Variants in FOXK1 observed in about 807,000 individuals in gnomAD.
FOXK1 encodes the protein forkhead box K1, also known as forkhead box protein K1.
FOXK1 carries 19 observed loss-of-function variants against 51.9 expected under a neutral mutation model. The observed-to-expected ratio is 0.37, with a 90% CI of 0.26 to 0.54. The LOEUF is 0.54. Among genes scored for constraint, FOXK1 ranks in the 20% least tolerant of loss-of-function variants. The probability of loss-of-function intolerance (pLI) is 0.87; values close to 1 mark genes in which losing one functional copy is unlikely to be tolerated. For synonymous variants in FOXK1, 537 were observed against 482.6 expected, an observed-to-expected ratio of 1.11 and a Z score of -1.48; for missense variants, 870 against 1,032.7, an observed-to-expected ratio of 0.84 and a Z score of 2.16.
intron 1 of FOXK1, among the ~76,000 whole-genome samples, chr7:4,704,099 G>A (rs1330090671): frequency 1.3e-5 from 2 of 152,136 alleles, no homozygotes; most frequent in Non-Finnish European, 2.9e-5. Context: ...GGTCTACCAA[G>A]GGTACACTAT....
At chr7:4,688,669 C>A (rs374694035) in intron 1 of FOXK1, among the ~76,000 whole-genome samples, 1 of 152,106 alleles carries the variant, frequency 6.6e-6, no homozygotes, top group East Asian at 1.9e-4. Context: ...TTGCAGCCCC[C>A]ACGCCCGGCA....
chr7:4,709,320 G>A lies in FOXK1; in HGVS notation c.560+26452G>A, dbSNP rs953237986. On this transcript the variant is annotated intron_variant, in intron 1 of 8. Transcript: ENST00000328914. This position sits in a 1 kb window ranked among gnomAD's most constrained non-coding sequence, Gnocchi z 5.6. ...TGTTAGGCCAGGTCAGCGTGAGGCCGCCTACTGTGCCTCCTTCCCAGTGTC... is the reference window on the plus strand; with the variant it reads ...TGTTAGGCCAGGTCAGCGTGAGGCCACCTACTGTGCCTCCTTCCCAGTGTC... Among the ~76,000 whole-genome samples, 5 of 152,172 alleles carry A rather than the reference G, an allele frequency of 3.3e-5. No individual in the cohort carries two copies. The highest frequency in any genetic ancestry group is 1.2e-4 in the African/African-American group (5 of 41,438).
chr7:4,697,689 T>C (rs1047423485), intron 1 of FOXK1, among the ~76,000 whole-genome samples: 1 of 151,710 alleles, frequency 6.6e-6, no homozygotes, highest in Non-Finnish European at 1.5e-5. Flanking sequence ...GAATAGGATC[T>C]TTTTTTCTTA....
At position 4,747,118 on chromosome 7, in the gene FOXK1, A is replaced by C. The variant is rs1780712807; in HGVS notation, c.746+6095A>C. 6.6e-6 allele frequency among the ~76,000 whole-genome samples: 1 copy of C among 152,140 alleles called. No individual in the cohort carries two copies. The highest frequency in any genetic ancestry group is 1.5e-5 in the Non-Finnish European group (1 of 68,030). On this transcript the variant is annotated intron_variant, in intron 2 of 8. Transcript: ENST00000328914. This position sits in a 1 kb window ranked among gnomAD's most constrained non-coding sequence, Gnocchi z 9.2. Reference sequence around the variant, plus strand: ...CCTTGTGTTTGTCCGAATCTGTTGAAAGGACATCCCCACGCCCGCGTTTCC... The same window carrying C: ...CCTTGTGTTTGTCCGAATCTGTTGACAGGACATCCCCACGCCCGCGTTTCC...
At position 4,730,444 on chromosome 7, in the gene FOXK1, T is replaced by C. The variant is rs985711515; in HGVS notation, c.561-10394T>C. 1.3e-5 allele frequency among the ~76,000 whole-genome samples: 2 copies of C among 152,166 alleles called. No homozygotes were observed. Among genetic ancestry groups the C allele is most frequent in the African/African-American group, 4.8e-5 (2 of 41,442 alleles). ...CCAAAAGTGGAGTCACGGTTGCAGCTCTGGTTCCTGGAGGAGGGACGCAGG... is the reference window on the plus strand; with the variant it reads ...CCAAAAGTGGAGTCACGGTTGCAGCCCTGGTTCCTGGAGGAGGGACGCAGG... On this transcript the variant is annotated intron_variant, in intron 1 of 8. Coordinates refer to ENST00000328914, the MANE Select transcript of FOXK1 (RefSeq NM_001037165.2). This position sits in a 1 kb window ranked among gnomAD's most constrained non-coding sequence, Gnocchi z 4.7.
chr7:4,720,424 C>T (rs921964495), intron 1 of FOXK1, among the ~76,000 whole-genome samples: 1 of 152,166 alleles, frequency 6.6e-6, no homozygotes, highest in African/African-American at 2.4e-5. Context: ...GTTGGGTAAT[C>T]TTTACTGTTT....
intron 1 of FOXK1, among the ~76,000 whole-genome samples, chr7:4,718,720 G>T (rs995761074): frequency 6.6e-6 from 1 of 152,200 alleles, no homozygotes; most frequent in African/African-American, 2.4e-5. Context: ...TTCCACCCAT[G>T]TATGAGAAGC....
rs1779766570 is a variant in FOXK1, at chr7:4,682,654, T to C, written c.346T>C (p.Phe116Leu). The C allele has an allele frequency of 3.8e-6, 6 of 1,569,242 alleles. No homozygotes were observed. Among genetic ancestry groups the C allele is most frequent in the Non-Finnish European group, 5.1e-6 (6 of 1,165,302 alleles). ...LARLEGREFE[F>L]LMRQPSVTIG... The stretch of plus-strand genomic sequence containing the variant: ...GCGGCTGGAGGGCCGCGAGTTCGAG[T>C]TCCTCATGCGCCAGCCCAGCGTCAC... The change falls in exon 1 of 9, where the codon TTC (phenylalanine) becomes CTC (leucine). Residue 116 changes from phenylalanine (F) to leucine (L), a missense_variant. Phe to Leu is a conservative substitution (Grantham distance 22). Coordinates refer to ENST00000328914, the MANE Select transcript of FOXK1 (RefSeq NM_001037165.2). This position sits in a 1 kb window ranked among gnomAD's most constrained non-coding sequence, Gnocchi z 7.6.
At chr7:4,697,741 CTGTGTGTGTGTGTGTGTGTGTGTGTGTG>C (rs57978112) in intron 1 of FOXK1, among the ~76,000 whole-genome samples, 1 of 135,596 alleles carries the variant, frequency 7.4e-6, no homozygotes, top group African/African-American at 2.8e-5. Flanking sequence ...GAAAGATAGG[CTGTGTGTGTGTGTGTGTGTGTGTGTGTG>C]TGTGTGTGTG....
At chr7:4,705,978 ATATACGTATATATACGTATATATACG>A (rs1780089190) in intron 1 of FOXK1, among the ~76,000 whole-genome samples, 1 of 97,154 alleles carries the variant, frequency 1.0e-5, no homozygotes. Flanking sequence ...ATATACGTAT[ATATACGTATATATACGTATATATACG>A]TATATATACG....
At chr7:4,742,686 A>C (rs957526818) in intron 2 of FOXK1, among the ~76,000 whole-genome samples, 20 of 152,082 alleles carry the variant, frequency 1.3e-4, no homozygotes, top group African/African-American at 4.8e-4. Flanking sequence ...CAAAGTGCTG[A>C]GGTTACAGGT....
chr7:4,741,360 G>A (rs556199312), intron 2 of FOXK1, among the ~76,000 whole-genome samples: 4 of 151,704 alleles, frequency 2.6e-5, no homozygotes, highest in African/African-American at 7.3e-5. Context: ...ATGGAGTTTC[G>A]CTCTGTCACC....
chr7:4,713,596 AT>A (rs1562375890), intron 1 of FOXK1, among the ~76,000 whole-genome samples: 1 of 149,216 alleles, frequency 6.7e-6, no homozygotes, highest in Admixed American at 6.7e-5. Flanking sequence ...GGTGCAAGTG[AT>A]TCTCCTGCCT....
intron 1 of FOXK1, among the ~76,000 whole-genome samples, chr7:4,710,235 G>A (rs1176429301): frequency 2.6e-5 from 4 of 152,198 alleles, no homozygotes; most frequent in Admixed American, 1.3e-4. Context: ...TCCTTTCTAA[G>A]ATAACAGAGG....
rs1294624792 is a variant in FOXK1 at position 4,682,884 on chromosome 7, A to C, written c.560+16A>C. 32 of 1,418,206 alleles carry C rather than the reference A, an allele frequency of 2.3e-5. No individual in the cohort carries two copies. The highest frequency in any genetic ancestry group is 9.4e-5 in the Admixed American group (4 of 42,412). 87.9% of individuals were successfully genotyped at this position (1,418,206 alleles called of 1,614,324 possible). On this transcript the variant is annotated intron_variant, in intron 1 of 8. Coordinates refer to ENST00000328914, the MANE Select transcript of FOXK1 (RefSeq NM_001037165.2). The surrounding 1 kb of genome is among the most constrained non-coding windows in gnomAD (Gnocchi z 7.6). The stretch of plus-strand genomic sequence containing the variant: ...TGCCCAAGCAGTGAGTGGCCCCGCG[A>C]CCCCCGCCGCCCGCACCCGGGGCTC...
At chr7:4,701,277 AG>A (rs1195020906) in intron 1 of FOXK1, among the ~76,000 whole-genome samples, 1 of 152,206 alleles carries the variant, frequency 6.6e-6, no homozygotes, top group Non-Finnish European at 1.5e-5. Context: ...AGACAAACTC[AG>A]GTTTTACCTT....
chr7:4,701,720 T>C (rs1780023121), intron 1 of FOXK1, among the ~76,000 whole-genome samples: 2 of 152,124 alleles, frequency 1.3e-5, no homozygotes, highest in African/African-American at 4.8e-5. Context: ...GGTGAAACCG[T>C]GTCTCTACTA....
chr7:4,717,620 C>A (rs1050145150), intron 1 of FOXK1, among the ~76,000 whole-genome samples: 1 of 152,092 alleles, frequency 6.6e-6, no homozygotes, highest in Non-Finnish European at 1.5e-5. Flanking sequence ...AAGCGCATGA[C>A]GGGAGGTACT....
intron 1 of FOXK1, among the ~76,000 whole-genome samples, chr7:4,686,677 T>G (rs1347919463): frequency 6.6e-6 from 1 of 152,178 alleles, no homozygotes; most frequent in Non-Finnish European, 1.5e-5. Context: ...AGAGACCTAG[T>G]GCAGGCACTG....
Sources: allele counts gnomAD v4.1 joint callset (sites outside exome capture counted in the v4.1 genomes callset), GRCh38; gene constraint gnomAD v4.1.1; non-coding constraint Gnocchi (gnomAD v3.1); transcripts MANE v1.5; gene names NCBI Gene and HGNC (gene_info 2026-07-23, HGNC 2026-07-21).